BCL2: variants seen among roughly 807,000 people sequenced by gnomAD.
BCL2 encodes the protein BCL2 apoptosis regulator, also known as apoptosis regulator Bcl-2.
BCL2 carries 1 observed loss-of-function variant against 14.2 expected under a neutral mutation model. The ratio of observed to expected loss-of-function variants is 0.07; its 90% CI spans 0.02 to 0.33. The LOEUF (loss-of-function observed/expected upper bound fraction) is 0.33, where lower values mean the gene tolerates loss of function less well. Among genes scored for constraint, BCL2 ranks in the 10% least tolerant of loss-of-function variants. BCL2 has a pLI of 0.99. For synonymous variants in BCL2, 151 were observed against 137.2 expected (o/e 1.10, Z -0.70); for missense variants, 247 against 305.9 (o/e 0.81, Z 1.44).
chr18:63,295,755 C>T (rs1355040154), intron 2 of BCL2, among the ~76,000 whole-genome samples: 2 of 152,118 alleles, frequency 1.3e-5, no homozygotes, highest in African/African-American at 4.8e-5. Context: ...AACCTTTTTC[C>T]TAAGCCATCC....
chr18:63,276,081 C>A (rs534730492), intron 2 of BCL2, among the ~76,000 whole-genome samples: 18 of 152,252 alleles, frequency 1.2e-4, no homozygotes, highest in Non-Finnish European at 2.4e-4. Flanking sequence ...AGAGGGAGGC[C>A]TCTGATGGAT....
At chr18:63,245,719 A>G (rs1365483616) in intron 2 of BCL2, among the ~76,000 whole-genome samples, 2 of 152,192 alleles carry the variant, frequency 1.3e-5, no homozygotes, top group Non-Finnish European at 2.9e-5. Flanking sequence ...ACCATTTACT[A>G]TTGTTATGCA....
intron 2 of BCL2, among the ~76,000 whole-genome samples, chr18:63,312,801 G>A (rs1245806685): frequency 3.9e-5 from 6 of 152,150 alleles, no homozygotes. Flanking sequence ...CAGTCTAATC[G>A]GAGCCTTGAT....
intron 2 of BCL2, among the ~76,000 whole-genome samples, chr18:63,190,470 T>C (rs1286639183): frequency 5.3e-5 from 8 of 152,244 alleles, no homozygotes; most frequent in African/African-American, 1.9e-4. Context: ...GAATGTCCCA[T>C]GAAGTATCAG....
rs185286547 is a variant in BCL2 at position 63,128,969 on chromosome 18, G to A, written c.586-210C>T. Among the ~76,000 whole-genome samples, 267 of 152,296 alleles carry A rather than the reference G, an allele frequency of 1.8e-3. 1 individual carries two copies. The highest frequency in any genetic ancestry group is 6.0e-3 in the African/African-American group (248 of 41,568). On this transcript the variant is annotated intron_variant, in intron 2 of 2. Coordinates refer to ENST00000333681, the MANE Select transcript of BCL2 (RefSeq NM_000633.3). ...GCATATTTATTGAGACCCTCTTTACGTGCCAGCCATCTTAGAGATACAGCA... is the reference window on the plus strand; with the variant it reads ...GCATATTTATTGAGACCCTCTTTACATGCCAGCCATCTTAGAGATACAGCA...
chr18:63,300,349 A>T (rs1912927297), intron 2 of BCL2, among the ~76,000 whole-genome samples: 1 of 151,902 alleles, frequency 6.6e-6, no homozygotes, highest in South Asian at 2.1e-4. Context: ...TAACACACAC[A>T]CATTCACAGA....
At chr18:63,140,743 C>T (rs1398461296) in intron 2 of BCL2, among the ~76,000 whole-genome samples, 1 of 152,212 alleles carries the variant, frequency 6.6e-6, no homozygotes, top group Non-Finnish European at 1.5e-5. Flanking sequence ...GCTGTATAAC[C>T]TTTTGAATAT....
intron 2 of BCL2, among the ~76,000 whole-genome samples, chr18:63,212,195 G>A (rs111914052): frequency 0.024 from 3,684 of 151,156 alleles, 138 homozygotes; most frequent in Non-Finnish European, 0.035. Flanking sequence ...GCGTGGTGGC[G>A]GGCGCCTGTA....
At chr18:63,222,550 G>C (rs190176227) in intron 2 of BCL2, among the ~76,000 whole-genome samples, 19 of 152,196 alleles carry the variant, frequency 1.2e-4, no homozygotes, top group Non-Finnish European at 4.4e-5. Flanking sequence ...ATGAAAAAAA[G>C]AGAATAAGCA....
rs115860586 is a variant in BCL2, at chr18:63,169,181, C to T, written c.586-40422G>A. Reference sequence around the variant, plus strand: ...GATTCCATGGAGGGCTTCTTTTGGGCGGTCAGAAACAACAGGCCCTTGTTT... The same window carrying T: ...GATTCCATGGAGGGCTTCTTTTGGGTGGTCAGAAACAACAGGCCCTTGTTT... On this transcript the variant is annotated intron_variant, in intron 2 of 2. Coordinates refer to ENST00000333681, the MANE Select transcript of BCL2 (RefSeq NM_000633.3). 3.5e-3 allele frequency among the ~76,000 whole-genome samples: 532 copies of T among 151,940 alleles called. 4 individuals are homozygous for T. Among genetic ancestry groups the T allele is most frequent in the African/African-American group, 0.012 (514 of 41,334 alleles).
intron 2 of BCL2, among the ~76,000 whole-genome samples, chr18:63,267,908 T>TCTTC (rs745547015): frequency 6.6e-6 from 1 of 152,178 alleles, no homozygotes; most frequent in Non-Finnish European, 1.5e-5. Context: ...CTTCTGTCTT[T>TCTTC]CTTCCTTCCT....
intron 2 of BCL2, among the ~76,000 whole-genome samples, chr18:63,285,542 C>T (rs1400284906): frequency 6.6e-6 from 1 of 152,172 alleles, no homozygotes; most frequent in African/African-American, 2.4e-5. Flanking sequence ...GGAACATATG[C>T]AAATATGAGA....
At position 63,152,138 on chromosome 18, in the gene BCL2, C is replaced by T. The variant is rs534168757; in HGVS notation, c.586-23379G>A. Among the ~76,000 whole-genome samples, 60 of 152,336 alleles carry T rather than the reference C, an allele frequency of 3.9e-4. 1 individual carries two copies. The highest frequency in any genetic ancestry group is 1.3e-3 in the African/African-American group (56 of 41,580). On this transcript the variant is annotated intron_variant, in intron 2 of 2. Coordinates refer to ENST00000333681, the MANE Select transcript of BCL2 (RefSeq NM_000633.3). ...AACCTGCAAAACACCTTCTTGTTCTCACTGCTTTGTATGACTTCCAAGAGA... is the reference window on the plus strand; with the variant it reads ...AACCTGCAAAACACCTTCTTGTTCTTACTGCTTTGTATGACTTCCAAGAGA...
chr18:63,202,539 A>G (rs554176532), intron 2 of BCL2, among the ~76,000 whole-genome samples: 11 of 152,324 alleles, frequency 7.2e-5, no homozygotes, highest in African/African-American at 2.6e-4. Flanking sequence ...CTATATATTT[A>G]TGCAGATTCT....
intron 2 of BCL2, among the ~76,000 whole-genome samples, chr18:63,280,761 G>A (rs978543163): frequency 6.6e-6 from 1 of 152,156 alleles, no homozygotes; most frequent in Non-Finnish European, 1.5e-5. Context: ...AGCTTCTATG[G>A]AAAACAGTAT....
intron 2 of BCL2, among the ~76,000 whole-genome samples, chr18:63,159,668 C>A (rs757885803): frequency 6.6e-6 from 1 of 152,078 alleles, no homozygotes. Flanking sequence ...TTAGGTATTG[C>A]GGGGGTGTTG....
At chr18:63,155,104 C>T (rs1914741314) in intron 2 of BCL2, among the ~76,000 whole-genome samples, 1 of 152,164 alleles carries the variant, frequency 6.6e-6, no homozygotes, top group East Asian at 1.9e-4. Flanking sequence ...AATAAGAGGA[C>T]GCTACAACAT....
chr18:63,317,179 G>C (rs1473266226), intron 2 of BCL2: 1 of 152,178 alleles, frequency 6.6e-6, no homozygotes, highest in Non-Finnish European at 1.5e-5. Context: ...TAAAGTAAGG[G>C]TAAGATAATC....
chr18:63,250,204 C>T (rs111865303), intron 2 of BCL2, among the ~76,000 whole-genome samples: 140 of 152,316 alleles, frequency 9.2e-4, no homozygotes, highest in African/African-American at 3.0e-3. Context: ...AAGTTGGTGG[C>T]TGCAACTACT....
Sources: allele counts gnomAD v4.1 joint callset (sites outside exome capture counted in the v4.1 genomes callset), GRCh38; gene constraint gnomAD v4.1.1; transcripts MANE v1.5; gene names NCBI Gene and HGNC (gene_info 2026-07-23, HGNC 2026-07-21).